The following SLC29A3 variants were observed in gnomAD, a reference collection of about 807,000 sequenced individuals.
SLC29A3 encodes the protein equilibrative nucleoside transporter 3.
Under a neutral mutation model 25.4 loss-of-function variants are expected in SLC29A3, and 18 were observed. That is an observed-to-expected ratio of 0.71 (90% CI 0.49 to 1.05). The LOEUF (loss-of-function observed/expected upper bound fraction) is 1.05. Ranked by LOEUF, SLC29A3 falls within the 50% of genes least tolerant of loss-of-function variation. The pLI, the probability that SLC29A3 is intolerant of heterozygous loss-of-function variation, is 0.00. For synonymous variants in SLC29A3, 258 were observed against 267.1 expected (o/e 0.97, Z 0.33); for missense variants, 586 against 609.0 (o/e 0.96, Z 0.40).
intron 2 of SLC29A3, among the ~76,000 whole-genome samples, chr10:71,333,100 T>G (rs1397580067): frequency 2.0e-5 from 3 of 152,246 alleles, no homozygotes; most frequent in Non-Finnish European, 4.4e-5. Flanking sequence ...CTCTTTAACA[T>G]GATTGATATC....
chr10:71,358,971 C>T (rs1330826206), intron 5 of SLC29A3, among the ~76,000 whole-genome samples: 1 of 152,140 alleles, frequency 6.6e-6, no homozygotes, highest in Non-Finnish European at 1.5e-5. Context: ...AGTGCAGTGG[C>T]ACAATCACGG....
At chr10:71,329,943 G>A (rs1025121907) in intron 2 of SLC29A3, among the ~76,000 whole-genome samples, 6 of 152,182 alleles carry the variant, frequency 3.9e-5, no homozygotes, top group Non-Finnish European at 7.4e-5. Context: ...GGAGAATTAG[G>A]GCCACATCCT....
chr10:71,348,517 G>A (rs12762772), intron 3 of SLC29A3, among the ~76,000 whole-genome samples: 2,576 of 152,360 alleles, frequency 0.017, 34 homozygotes, highest in Non-Finnish European at 0.029. Context: ...TGCCCTGCTG[G>A]CCCTTATCTT....
chr10:71,379,411 C>G (rs1330223289), intron 4 of SLC29A3, among the ~76,000 whole-genome samples: 2 of 152,238 alleles, frequency 1.3e-5, no homozygotes, highest in African/African-American at 2.4e-5. Flanking sequence ...GCCAATGTCC[C>G]AAACAGGCCA....
Position 71,351,629 on chromosome 10 carries a change from G to A in SLC29A3, c.451G>A (p.Ala151Thr). 6.2e-7 allele frequency: 1 copy of A among 1,614,178 alleles called. No homozygotes were observed. Among genetic ancestry groups the A allele is most frequent in the Non-Finnish European group, 8.5e-7 (1 of 1,180,004 alleles). The change falls in exon 4 of 6, where the codon GCA (alanine) becomes ACA (threonine). Residue 151 changes from alanine to threonine, a missense_variant. Transcript: ENST00000373189. Reference sequence around the variant, plus strand: ...CCTGGCCATCTTCATGGTGATAACTGCACTGGTGAAGGTGGACACTTCCTC... The same window carrying A: ...CCTGGCCATCTTCATGGTGATAACTACACTGGTGAAGGTGGACACTTCCTC... ...VILAIFMVIT[A>T]LVKVDTSSWT...
chr10:71,341,084 C>G (rs2131822161), intron 2 of SLC29A3, among the ~76,000 whole-genome samples: 1 of 152,248 alleles, frequency 6.6e-6, no homozygotes, highest in Non-Finnish European at 1.5e-5. Flanking sequence ...TGGGCTCCTT[C>G]CAGCTCCTGC....
chr10:71,375,178 C>T (rs1281418690), intron 3 of SLC29A3, among the ~76,000 whole-genome samples: 9 of 152,172 alleles, frequency 5.9e-5, no homozygotes, highest in East Asian at 1.9e-4. Flanking sequence ...CCTGCCCCAC[C>T]GACCCTAAGA....
chr10:71,380,708 T>C (rs867983209), exon 5 of SLC29A3: 1 of 152,170 alleles, frequency 6.6e-6, no homozygotes, highest in Non-Finnish European at 1.5e-5. Flanking sequence ...AAGGGTTACT[T>C]TGGCAATCAC....
chr10:71,343,064 C>T (rs1484471199), intron 2 of SLC29A3, among the ~76,000 whole-genome samples: 1 of 152,210 alleles, frequency 6.6e-6, no homozygotes, highest in Non-Finnish European at 1.5e-5. Flanking sequence ...CCTCGAACTC[C>T]TTGCTCCAGC....
intron 2 of SLC29A3, among the ~76,000 whole-genome samples, chr10:71,325,239 G>A (rs958471334): frequency 5.3e-5 from 8 of 152,198 alleles, no homozygotes; most frequent in African/African-American, 1.4e-4. Flanking sequence ...GCCATAGTGA[G>A]GGAGGCATCC....
chr10:71,378,141 T>A (rs1847275761), intron 4 of SLC29A3, among the ~76,000 whole-genome samples: 1 of 150,646 alleles, frequency 6.6e-6, no homozygotes. Context: ...AAATTACAAA[T>A]ATAAAGTTAG....
At chr10:71,342,179 C>T (rs1357905960) in intron 2 of SLC29A3, among the ~76,000 whole-genome samples, 1 of 152,192 alleles carries the variant, frequency 6.6e-6, no homozygotes, top group Non-Finnish European at 1.5e-5. Context: ...TAGAACTTTT[C>T]CTATAGGCAA....
At chr10:71,365,878 G>T (rs556692018), downstream of SLC29A3, 1 of 152,258 alleles carries the variant, frequency 6.6e-6, no homozygotes, top group South Asian at 2.1e-4. Context: ...AATGAGGGAG[G>T]TAGAGGGGGT....
chr10:71,334,169 T>C (rs1039473354), intron 2 of SLC29A3, among the ~76,000 whole-genome samples: 11 of 152,238 alleles, frequency 7.2e-5, no homozygotes, highest in African/African-American at 2.7e-4. Flanking sequence ...AGACCGTAGA[T>C]TGGGACCCAG....
intron 5 of SLC29A3, 121 bp downstream of exon 5, chr10:71,356,364 T>C: frequency 7.9e-7 from 1 of 1,268,532 alleles, no homozygotes; most frequent in South Asian, 1.4e-5. Context: ...AAAGCAGTTG[T>C]TCAACAAATA....
chr10:71,371,418 T>C (rs1252361194), intron 3 of SLC29A3, among the ~76,000 whole-genome samples: 1 of 152,068 alleles, frequency 6.6e-6, no homozygotes, highest in African/African-American at 2.4e-5. Flanking sequence ...GGCCTCTGGG[T>C]GGAAAGAGGG....
In SLC29A3 at chr10:71,319,312, T is replaced by G. The variant is rs1845790373; in HGVS notation, c.1+2T>G. On this transcript the variant is annotated splice_donor_variant, in intron 1 of 5. Transcript: ENST00000373189. LOFTEE classifies it high-confidence loss of function. ...CGGCGGCGTGGCGCAGCGGCGACAG[T>G]AAGTGCGGGCCGGCTCGGGCTCTTC... 6.2e-6 allele frequency: 4 copies of G among 647,934 alleles called. No homozygotes were observed. The highest frequency in any genetic ancestry group is 8.3e-6 in the Non-Finnish European group (3 of 360,910). 40.1% of individuals were successfully genotyped at this position (647,934 alleles called of 1,614,324 possible).
At chr10:71,323,440 G>A (rs1845898814) in intron 2 of SLC29A3, among the ~76,000 whole-genome samples, 1 of 152,242 alleles carries the variant, frequency 6.6e-6, no homozygotes, top group African/African-American at 2.4e-5. Flanking sequence ...CAGCTTTCAT[G>A]GCCAAGGCCA....
chr10:71,374,607 C>T (rs1409817021), intron 3 of SLC29A3, among the ~76,000 whole-genome samples: 2 of 152,168 alleles, frequency 1.3e-5, no homozygotes, highest in Admixed American at 1.3e-4. Context: ...TTGCCTGCCC[C>T]TGTCCCCATC....
Sources: allele counts gnomAD v4.1 joint callset (sites outside exome capture counted in the v4.1 genomes callset), GRCh38; gene constraint gnomAD v4.1.1; transcripts MANE v1.5; gene names NCBI Gene and HGNC (gene_info 2026-07-23, HGNC 2026-07-21).